SHISA6: variants seen among roughly 807,000 people sequenced by gnomAD.
SHISA6 encodes the protein protein shisa-6.
Under a neutral mutation model 47.9 loss-of-function variants are expected in SHISA6, and 22 were observed. The ratio of observed to expected loss-of-function variants is 0.46; its 90% CI spans 0.33 to 0.66. SHISA6 has a LOEUF of 0.66. Ranked by LOEUF, SHISA6 falls within the 30% of genes least tolerant of loss-of-function variation. The pLI is 0.02. For missense variants in SHISA6, 680 were observed against 764.6 expected, an observed-to-expected ratio of 0.89 and a Z score of 1.30; for synonymous variants, 388 against 337.8, an observed-to-expected ratio of 1.15 and a Z score of -1.63.
chr17:11,451,497 G>T (rs1247845906), intron 3 of SHISA6, among the ~76,000 whole-genome samples: 1 of 152,158 alleles, frequency 6.6e-6, no homozygotes, highest in Non-Finnish European at 1.5e-5. Context: ...AAGTAACTAG[G>T]TAATGTTAAA....
intron 3 of SHISA6, among the ~76,000 whole-genome samples, chr17:11,415,284 T>C (rs1029303457): frequency 6.6e-6 from 1 of 152,174 alleles, no homozygotes; most frequent in African/African-American, 2.4e-5. Flanking sequence ...GCACAGATAA[T>C]TGAAGTTAGG....
At chr17:11,282,739 T>C (rs937381759) in intron 2 of SHISA6, among the ~76,000 whole-genome samples, 13 of 152,196 alleles carry the variant, frequency 8.5e-5, no homozygotes, top group Non-Finnish European at 5.9e-5. Context: ...TCACACTGCA[T>C]ATTCACCATT....
intron 3 of SHISA6, among the ~76,000 whole-genome samples, chr17:11,477,882 G>A (rs1295501047): frequency 1.3e-5 from 2 of 149,214 alleles, no homozygotes; most frequent in Non-Finnish European, 3.0e-5. Context: ...ATAAACATAC[G>A]TGTGCGTGTG....
rs77496998 is a variant in SHISA6 at position 11,288,794 on chromosome 17, C to T, written c.799+25268C>T. The T allele has an allele frequency of 3.9e-5, 6 of 152,266 alleles. No homozygotes were observed. The East Asian group carries it at 1.2e-3, about 29-fold the overall frequency. The allele number at this position is 152,266 out of a possible 1,614,324, so 9.4% of individuals were successfully genotyped here. On this transcript the variant is annotated intron_variant, in intron 2 of 5. Transcript: ENST00000441885. The stretch of plus-strand genomic sequence containing the variant: ...CTTATCATCTGATAACGAGGATGAT[C>T]TTGCCTCTTTCTTTTAAGTAGTCTT...
rs144735982 is a variant in SHISA6, at chr17:11,349,725, T to C, written c.800-29689T>C. On this transcript the variant is annotated intron_variant, in intron 2 of 5. Coordinates refer to ENST00000441885, the MANE Select transcript of SHISA6 (RefSeq NM_207386.4). Reference sequence around the variant, plus strand: ...CTACCTGTCAGTCAGCTCCACTATCTGCTAAGTCAGATAACTGATGGGAAG... The same window carrying C: ...CTACCTGTCAGTCAGCTCCACTATCCGCTAAGTCAGATAACTGATGGGAAG... Among the ~76,000 whole-genome samples, 5 of 152,264 alleles carry C rather than the reference T, an allele frequency of 3.3e-5. No individual in the cohort carries two copies. The East Asian group carries it at 9.7e-4, about 29-fold the overall frequency.
intron 3 of SHISA6, among the ~76,000 whole-genome samples, chr17:11,452,606 T>C (rs987177127): frequency 1.3e-5 from 2 of 151,922 alleles, no homozygotes; most frequent in Non-Finnish European, 2.9e-5. Context: ...ATTCCTTCCT[T>C]CTTGTCCACT....
chr17:11,381,516 C>G (rs776143831), intron 3 of SHISA6, among the ~76,000 whole-genome samples: 3 of 152,100 alleles, frequency 2.0e-5, no homozygotes, highest in Non-Finnish European at 4.4e-5. Context: ...CCAGGGAAGG[C>G]CTCTCCAATA....
intron 4 of SHISA6, among the ~76,000 whole-genome samples, chr17:11,554,854 A>G (rs1460519293): frequency 6.6e-6 from 1 of 151,680 alleles, no homozygotes; most frequent in Non-Finnish European, 1.5e-5. Flanking sequence ...CCCTCTCCAG[A>G]TGTCATTCAT....
intron 3 of SHISA6, among the ~76,000 whole-genome samples, chr17:11,430,838 A>G (rs1010792359): frequency 1.3e-5 from 2 of 152,126 alleles, no homozygotes; most frequent in African/African-American, 4.8e-5. Context: ...ACACAAAGAG[A>G]GCAGGAGAAG....
Position 11,382,742 on chromosome 17 carries a change from G to A in SHISA6, c.895+3233G>A, listed in dbSNP as rs532744895. On this transcript the variant is annotated intron_variant, in intron 3 of 5. Transcript: ENST00000441885. The stretch of plus-strand genomic sequence containing the variant: ...TTGCGTTGCCCCATTTTGACTCTCA[G>A]GACTAAATGGGTAGCCAACACCTGC... Among the ~76,000 whole-genome samples, 5 of 152,152 alleles carry A rather than the reference G, an allele frequency of 3.3e-5. No homozygotes were observed. The South Asian group carries it at 1.0e-3, about 32-fold the overall frequency.
At chr17:11,319,164 C>T (rs1439278664) in intron 2 of SHISA6, among the ~76,000 whole-genome samples, 4 of 151,536 alleles carry the variant, frequency 2.6e-5, no homozygotes, top group South Asian at 2.1e-4. Flanking sequence ...CTGCAACCTC[C>T]GCCTCCCGGG....
chr17:11,342,222 G>A (rs16944604), intron 2 of SHISA6, among the ~76,000 whole-genome samples: 1 of 152,026 alleles, frequency 6.6e-6, no homozygotes, highest in African/African-American at 2.4e-5. Context: ...TGGAGCTGCA[G>A]CCTAAAACCA....
At chr17:11,520,592 G>A (rs751025690) in intron 3 of SHISA6, among the ~76,000 whole-genome samples, 15 of 152,002 alleles carry the variant, frequency 9.9e-5, no homozygotes, top group Non-Finnish European at 1.8e-4. Flanking sequence ...TTGCAACTAT[G>A]CTTATGCTCA....
chr17:11,394,734 C>T (rs904305392), intron 3 of SHISA6, among the ~76,000 whole-genome samples: 6 of 150,848 alleles, frequency 4.0e-5, no homozygotes, highest in Non-Finnish European at 7.4e-5. Flanking sequence ...AAAAGAATAA[C>T]GGTGCAGATA....
At chr17:11,545,855 T>A (rs2071878793) in intron 3 of SHISA6, among the ~76,000 whole-genome samples, 1 of 152,168 alleles carries the variant, frequency 6.6e-6, no homozygotes, top group South Asian at 2.1e-4. Context: ...TCCTTACAAC[T>A]TGGCAGCTGG....
intron 3 of SHISA6, among the ~76,000 whole-genome samples, chr17:11,546,362 A>G (rs767115915): frequency 4.6e-5 from 7 of 152,218 alleles, no homozygotes; most frequent in Non-Finnish European, 5.9e-5. Context: ...TATAGCAGAG[A>G]GGAGAAGATA....
intron 3 of SHISA6, among the ~76,000 whole-genome samples, chr17:11,484,536 G>A (rs1346225705): frequency 6.6e-6 from 1 of 152,100 alleles, no homozygotes; most frequent in Non-Finnish European, 1.5e-5. Context: ...AAGTAGCTGG[G>A]ATTACAGGCA....
At chr17:11,547,722 A>G (rs956593380) in intron 3 of SHISA6, among the ~76,000 whole-genome samples, 2 of 152,204 alleles carry the variant, frequency 1.3e-5, no homozygotes, top group Non-Finnish European at 2.9e-5. Context: ...AATGATGGGA[A>G]GAGTTAAAAA....
chr17:11,455,293 T>A (rs140923680), intron 3 of SHISA6, among the ~76,000 whole-genome samples: 1 of 152,288 alleles, frequency 6.6e-6, no homozygotes, highest in East Asian at 1.9e-4. Flanking sequence ...AGATTTCATA[T>A]GGGATAATAG....
Sources: allele counts gnomAD v4.1 joint callset (sites outside exome capture counted in the v4.1 genomes callset), GRCh38; gene constraint gnomAD v4.1.1; transcripts MANE v1.5; gene names NCBI Gene and HGNC (gene_info 2026-07-23, HGNC 2026-07-21).